Variants in ERO1B observed in about 807,000 individuals in gnomAD.
The protein encoded by ERO1B is ERO1-like protein beta.
Under a neutral mutation model 75.3 loss-of-function variants are expected in ERO1B, and 49 were observed. The ratio of observed to expected loss-of-function variants is 0.65; its 90% CI spans 0.52 to 0.83. The LOEUF (loss-of-function observed/expected upper bound fraction) is 0.83, where lower values mean the gene tolerates loss of function less well. Ranked by LOEUF, ERO1B falls within the 40% of genes least tolerant of loss-of-function variation. The pLI is 0.00. For synonymous variants in ERO1B, 191 were observed against 192.9 expected, an observed-to-expected ratio of 0.99 and a Z score of 0.08; for missense variants, 512 against 560.1, an observed-to-expected ratio of 0.91 and a Z score of 0.87.
Position 236,225,079 on chromosome 1 carries a change from C to G in ERO1B, c.1113G>C (p.Lys371Asn). ...ATCGAGAACTTTTTACCTTTAGTGACTTGGCCCCTTTTTTGTCACCTGCAA... is the reference window on the plus strand; with the variant it reads ...ATCGAGAACTTTTTACCTTTAGTGAGTTGGCCCCTTTTTTGTCACCTGCAA... ...SMFAGDKKGA[K>N]SLKEEFRLHF... Residue 371 changes from lysine (K) to asparagine (N), a missense_variant, in exon 13 of 16, where the codon AAG becomes AAC. Lys to Asn is a moderately conservative substitution (Grantham distance 94, BLOSUM62 0). Transcript: ENST00000354619. 6.2e-7 allele frequency: 1 copy of G among 1,614,008 alleles called. No individual in the cohort carries two copies. The highest frequency in any genetic ancestry group is 1.1e-5 in the South Asian group (1 of 91,084).
intron 1 of ERO1B, among the ~76,000 whole-genome samples, chr1:236,278,836 T>C (rs999399813): frequency 6.6e-6 from 1 of 152,020 alleles, no homozygotes; most frequent in African/African-American, 2.4e-5. Flanking sequence ...TTTTTCTGCT[T>C]TTATTTTGGA....
intron 13 of ERO1B, among the ~76,000 whole-genome samples, chr1:236,223,388 T>G (rs951840158): frequency 2.6e-5 from 4 of 152,070 alleles, no homozygotes; most frequent in African/African-American, 9.7e-5. Flanking sequence ...TTTATTGCAT[T>G]GAGGGAAATA....
At chr1:236,265,940 A>T (rs1340765988) in intron 2 of ERO1B, among the ~76,000 whole-genome samples, 1 of 152,026 alleles carries the variant, frequency 6.6e-6, no homozygotes. Flanking sequence ...TAAATACCTT[A>T]TTTTCCCAAA....
intron 9 of ERO1B, among the ~76,000 whole-genome samples, chr1:236,230,712 G>C (rs1172898561): frequency 6.6e-6 from 1 of 151,208 alleles, no homozygotes; most frequent in Non-Finnish European, 1.5e-5. Flanking sequence ...TATGGTTCTA[G>C]GAAATAAAAC....
At chr1:236,248,534 T>C (rs1219513969) in intron 5 of ERO1B, among the ~76,000 whole-genome samples, 1 of 152,186 alleles carries the variant, frequency 6.6e-6, no homozygotes, top group Non-Finnish European at 1.5e-5. Flanking sequence ...AAGTAAAATA[T>C]GGGATATTTA....
intron 2 of ERO1B, among the ~76,000 whole-genome samples, chr1:236,254,911 C>A (rs1210810768): frequency 6.6e-6 from 1 of 151,230 alleles, no homozygotes; most frequent in African/African-American, 2.4e-5. Context: ...CCGTGCCTGG[C>A]CGGTCTTTAT....
intron 5 of ERO1B, among the ~76,000 whole-genome samples, chr1:236,247,252 G>T (rs1194625328): frequency 1.3e-5 from 2 of 152,220 alleles, no homozygotes; most frequent in East Asian, 3.9e-4. Flanking sequence ...TCTCCAAGTG[G>T]ATGTCTCACA....
chr1:236,215,140 A>G lies in ERO1B; in HGVS notation c.*3376T>C, dbSNP rs768906489. The stretch of plus-strand genomic sequence containing the variant: ...TTTATGATTCAATACAAATCAAACA[A>G]TGCTTTTAATTGTTCCCACTTTGTA... On this transcript the variant is annotated 3_prime_UTR_variant, in exon 16 of 16. Coordinates refer to ENST00000354619, the MANE Select transcript of ERO1B (RefSeq NM_019891.4). 3.3e-5 allele frequency among the ~76,000 whole-genome samples: 5 copies of G among 152,218 alleles called. No homozygotes were observed. Among genetic ancestry groups the G allele is most frequent in the South Asian group, 2.1e-4 (1 of 4,822 alleles).
intron 1 of ERO1B, among the ~76,000 whole-genome samples, chr1:236,270,341 G>A (rs183387991): frequency 2.0e-5 from 3 of 152,282 alleles, no homozygotes; most frequent in African/African-American, 7.2e-5. Flanking sequence ...TATTGCTGTA[G>A]TAACCCATGT....
chr1:236,243,553 T>C lies in ERO1B; in HGVS notation c.432-58A>G, dbSNP rs114020477. 1,598 of 1,105,430 alleles carry C rather than the reference T, an allele frequency of 1.4e-3. 14 individuals are homozygous for C. In the African/African-American group the frequency reaches 0.022, roughly 15 times the overall value. 68.5% of individuals were successfully genotyped at this position (1,105,430 alleles called of 1,614,324 possible). A position where few individuals can be genotyped will look rare whatever the true frequency, so the allele number is the denominator to read the frequency against. On this transcript the variant is annotated intron_variant, in intron 5 of 15. Transcript: ENST00000354619. Reference sequence around the variant, plus strand: ...TTAAATTTGGAGCTGAAACTTTTAATACTGTATTCTAGTGTAATTAAAATA... The same window carrying C: ...TTAAATTTGGAGCTGAAACTTTTAACACTGTATTCTAGTGTAATTAAAATA...
intron 1 of ERO1B, 34 bp downstream of exon 1, chr1:236,281,648 C>CG (rs1306436902): frequency 5.1e-6 from 7 of 1,360,894 alleles, no homozygotes; most frequent in Non-Finnish European, 4.8e-6. Context: ...GGTGTTCGGC[C>CG]GGGGGTTCCC....
Position 236,218,519 on chromosome 1 carries a change from C to T in ERO1B, c.1401G>A (p.Arg467=), listed in dbSNP as rs1441901204. 3.5e-6 allele frequency: 5 copies of T among 1,436,724 alleles called. No homozygotes were observed. The highest frequency in any genetic ancestry group is 3.1e-5 in the South Asian group (2 of 63,540). The allele number at this position is 1,436,724 out of a possible 1,614,324, so 89.0% of individuals were successfully genotyped here. The change falls in exon 16 of 16, where the codon AGG becomes AGA. Residue 467 remains arginine, a synonymous_variant. Coordinates refer to ENST00000354619, the MANE Select transcript of ERO1B (RefSeq NM_019891.4). ...QNFKVLLQHS[R] ...GTTAGACACATAAAAGCCTTTATTA[C>T]CTACTGTGTTGTAATAAGACTTTAA... is the stretch of plus-strand genomic sequence containing the variant.
At chr1:236,269,172 T>G (rs1665534296) in intron 2 of ERO1B, among the ~76,000 whole-genome samples, 1 of 152,068 alleles carries the variant, frequency 6.6e-6, no homozygotes, top group Admixed American at 6.5e-5. Flanking sequence ...GAGGCGGAGG[T>G]TGCAGTGAGC....
intron 2 of ERO1B, among the ~76,000 whole-genome samples, chr1:236,254,096 C>T (rs1234058523): frequency 4.6e-5 from 7 of 152,018 alleles, no homozygotes; most frequent in African/African-American, 9.7e-5. Context: ...GTTGGGCTGA[C>T]GTTTAATGTA....
At position 236,218,577 on chromosome 1, in the gene ERO1B, C is replaced by A. The variant is rs1175249557; in HGVS notation, c.1344-1G>T. ...TAAGTCTCTTATACTTGTAGAAAGC[C>A]TATGGAAGAAAGAAAAAGCTTATTA... is the stretch of plus-strand genomic sequence containing the variant. On this transcript the variant is annotated splice_acceptor_variant, in intron 15 of 15. Coordinates refer to ENST00000354619, the MANE Select transcript of ERO1B (RefSeq NM_019891.4). LOFTEE classifies it high-confidence loss of function. 4 of 1,357,628 alleles carry A rather than the reference C, an allele frequency of 2.9e-6. No individual in the cohort carries two copies. Among genetic ancestry groups the A allele is most frequent in the East Asian group, 2.9e-5 (1 of 34,484 alleles). 84.1% of individuals were successfully genotyped at this position (1,357,628 alleles called of 1,614,324 possible). A position where few individuals can be genotyped will look rare whatever the true frequency, so the allele number is the denominator to read the frequency against.
At chr1:236,261,281 A>G (rs1399324099) in intron 2 of ERO1B, among the ~76,000 whole-genome samples, 1 of 152,238 alleles carries the variant, frequency 6.6e-6, no homozygotes. Context: ...CTTCTATTCA[A>G]CATAGTACTG....
chr1:236,231,560 G>A (rs1572035724), intron 9 of ERO1B, among the ~76,000 whole-genome samples: 1 of 145,172 alleles, frequency 6.9e-6, no homozygotes, highest in African/African-American at 2.5e-5. Flanking sequence ...GTTGGGGAAA[G>A]AGAAAGAAAA....
At chr1:236,231,053 CAAG>C (rs1664396544) in intron 9 of ERO1B, among the ~76,000 whole-genome samples, 2 of 151,688 alleles carry the variant, frequency 1.3e-5, no homozygotes, top group African/African-American at 4.8e-5. Context: ...TTAAATATTC[CAAG>C]AAAATAAGGA....
chr1:236,243,653 AAAC>A lies in ERO1B; in HGVS notation c.432-161_432-159del, dbSNP rs1314345114. ...AGTGATTACATGAAGGGATGACAAA[AAAC>A]AAGTTATAGGAAAATATATGTATTA... On this transcript the variant is annotated intron_variant, in intron 5 of 15. Transcript: ENST00000354619. Among the ~76,000 whole-genome samples the A allele has an allele frequency of 3.3e-5, 5 of 152,174 alleles. No homozygotes were observed. In the East Asian group the frequency reaches 7.7e-4, roughly 23 times the overall value.
Sources: gnomAD v4.1 joint callset for allele counts (sites outside exome capture counted in the v4.1 genomes callset) on GRCh38, gnomAD v4.1.1 for gene constraint, MANE v1.5 for transcripts, NCBI Gene and HGNC (gene_info 2026-07-23, HGNC 2026-07-21) for gene names.